ZYG11A: variants seen among roughly 807,000 people sequenced by gnomAD.
The protein encoded by ZYG11A is zyg-11 family member A, cell cycle regulator.
ZYG11A carries 62 observed loss-of-function variants against 77.2 expected under a neutral mutation model. The observed-to-expected ratio is 0.80, with a 90% CI of 0.65 to 0.99. The LOEUF is 0.99. ZYG11A is among the 50% of genes least tolerant of loss of function. The probability of loss-of-function intolerance (pLI) is 0.00; values close to 1 mark genes in which losing one functional copy is unlikely to be tolerated. For synonymous variants in ZYG11A, 315 were observed against 324.6 expected, an observed-to-expected ratio of 0.97 and a Z score of 0.32; for missense variants, 828 against 896.8, an observed-to-expected ratio of 0.92 and a Z score of 0.98.
At chr1:52,870,816 G>A (rs1373759406) in intron 8 of ZYG11A, among the ~76,000 whole-genome samples, 1 of 152,164 alleles carries the variant, frequency 6.6e-6, no homozygotes, top group Non-Finnish European at 1.5e-5. Flanking sequence ...CAGCAGTACA[G>A]TCCAGCTTTG....
intron 3 of ZYG11A, among the ~76,000 whole-genome samples, chr1:52,859,663 T>TACCTATACTA (rs1553121657): frequency 6.3e-5 from 8 of 126,104 alleles, no homozygotes; most frequent in South Asian, 5.2e-4. Context: ...TGTTTGTGTA[T>TACCTATACTA]TGCCTTTTTT....
chr1:52,860,960 T>C, intron 4 of ZYG11A, 89 bp downstream of exon 4: 4 of 1,288,130 alleles, frequency 3.1e-6, no homozygotes, highest in Non-Finnish European at 4.3e-6. Context: ...TAATAAATTA[T>C]ATGCTTTATT....
At chr1:52,850,407 A>T (rs1239234637) in intron 1 of ZYG11A, among the ~76,000 whole-genome samples, 1 of 150,344 alleles carries the variant, frequency 6.7e-6, no homozygotes, top group East Asian at 2.0e-4. Context: ...CAACCTCTGC[A>T]TCCCAGGTTC....
At chr1:52,877,345 T>C (rs12059821) in intron 8 of ZYG11A, among the ~76,000 whole-genome samples, 1 of 152,172 alleles carries the variant, frequency 6.6e-6, no homozygotes, top group African/African-American at 2.4e-5. Flanking sequence ...GTCTGCCTTC[T>C]ACCCTTTTTT....
At chr1:52,880,862 C>T (rs548794257) in intron 10 of ZYG11A, among the ~76,000 whole-genome samples, 11 of 152,328 alleles carry the variant, frequency 7.2e-5, no homozygotes, top group African/African-American at 2.4e-4. Flanking sequence ...ACTTTGATTG[C>T]AGCCCTGTGA....
chr1:52,881,802 C>T, intron 11 of ZYG11A, 137 bp downstream of exon 11: 1 of 620,984 alleles, frequency 1.6e-6, no homozygotes, highest in South Asian at 2.9e-5. Flanking sequence ...CATATCTTTC[C>T]ATCCAAAACT....
intron 5 of ZYG11A, 64 bp from the exon 6 acceptor site, chr1:52,866,439 G>A: frequency 1.1e-6 from 1 of 926,340 alleles, no homozygotes; most frequent in Non-Finnish European, 1.7e-6. Context: ...CCAAATACAT[G>A]GAATCTTTGT....
intron 8 of ZYG11A, among the ~76,000 whole-genome samples, chr1:52,872,848 A>G (rs774570688): frequency 6.8e-5 from 10 of 147,236 alleles, no homozygotes; most frequent in Non-Finnish European, 1.5e-4. Flanking sequence ...AAGCCACTGT[A>G]CTTCAGCATG....
At chr1:52,847,818 T>C (rs1444317996) in intron 1 of ZYG11A, among the ~76,000 whole-genome samples, 2 of 150,426 alleles carry the variant, frequency 1.3e-5, no homozygotes, top group Non-Finnish European at 3.0e-5. Flanking sequence ...TACAGGTGTG[T>C]GCCACCACGC....
At chr1:52,853,800 CAGG>C (rs1003044640) in intron 1 of ZYG11A, among the ~76,000 whole-genome samples, 5 of 152,088 alleles carry the variant, frequency 3.3e-5, no homozygotes, top group Non-Finnish European at 1.5e-5. Flanking sequence ...CCCAGTTACT[CAGG>C]AGGCTGAGTG....
chr1:52,886,008 C>T, intron 12 of ZYG11A, 114 bp downstream of exon 12: 1 of 721,932 alleles, frequency 1.4e-6, no homozygotes, highest in Non-Finnish European at 2.1e-6. Context: ...TCTTGGCTCA[C>T]TGCAAGCTCC....
intron 8 of ZYG11A, among the ~76,000 whole-genome samples, chr1:52,872,098 A>T (rs1646177949): frequency 6.6e-6 from 1 of 152,180 alleles, no homozygotes; most frequent in Non-Finnish European, 1.5e-5. Flanking sequence ...TGTGTTCATT[A>T]CTGAGATGCT....
At chr1:52,843,113 C>A (rs1645482874) in intron 1 of ZYG11A, 140 bp downstream of exon 1, 1 of 649,442 alleles carries the variant, frequency 1.5e-6, no homozygotes, top group Non-Finnish European at 2.3e-6. Flanking sequence ...GATGCCGAGC[C>A]CCTTCCAGGC....
intron 5 of ZYG11A, among the ~76,000 whole-genome samples, 170 bp from the exon 6 acceptor site, chr1:52,866,333 A>T (rs999111134): frequency 6.6e-6 from 1 of 152,172 alleles, no homozygotes; most frequent in South Asian, 2.1e-4. Flanking sequence ...TCAAGTCTTC[A>T]TTCCTGCATG....
Position 52,894,373 on chromosome 1 carries a change from A to G in ZYG11A, c.*1416A>G, listed in dbSNP as rs984403023. 6.6e-6 allele frequency: 1 copy of G among 152,230 alleles called. No individual in the cohort carries two copies. Among genetic ancestry groups the G allele is most frequent in the Non-Finnish European group, 1.5e-5 (1 of 68,048 alleles). The allele number at this position is 152,230 out of a possible 1,614,324, so 9.4% of individuals were successfully genotyped here. On this transcript the variant is annotated 3_prime_UTR_variant, in exon 14 of 14. Coordinates refer to ENST00000371528, the MANE Select transcript of ZYG11A (RefSeq NM_001004339.3). ...AGTTTTCTTACCCCGCATGCTGACT[A>G]AAGAAAACATGGGCTTTTCTGAAAC...
In ZYG11A at chr1:52,854,586, C is replaced by T; in HGVS notation, c.212C>T (p.Pro71Leu). The change falls in exon 2 of 14, where the codon CCT becomes CTT. Residue 71 changes from proline to leucine, a missense_variant. Physicochemically the swap from Pro to Leu is moderately conservative, Grantham distance 98 (BLOSUM62 -3). Transcript: ENST00000371528. ...TGCCTTCCGGAGCATTGGAGTTTCC[C>T]TCAGGAAGTAGCCGAGCGATTTCTC... ...TLCLPEHWSF[P>L]QEVAERFLRV... is the part of the protein sequence containing the mutation. 5.2e-6 allele frequency: 8 copies of T among 1,548,300 alleles called. No homozygotes were observed. Among genetic ancestry groups the T allele is most frequent in the Non-Finnish European group, 7.0e-6 (8 of 1,144,608 alleles).
intron 13 of ZYG11A, among the ~76,000 whole-genome samples, chr1:52,887,465 C>G (rs1225559074): frequency 1.3e-5 from 2 of 152,160 alleles, no homozygotes; most frequent in African/African-American, 4.8e-5. Context: ...ATTGCTGACA[C>G]TCTTCCTTTA....
chr1:52,877,925 A>G lies in ZYG11A; in HGVS notation c.1705A>G (p.Thr569Ala). 1.9e-6 allele frequency: 3 copies of G among 1,551,586 alleles called. No homozygotes were observed. Among genetic ancestry groups the G allele is most frequent in the Non-Finnish European group, 2.6e-6 (3 of 1,146,944 alleles). Reference sequence around the variant, plus strand: ...CTGTATGTATATATTTTTTTGACAGACCTTTTCAGAGTCAGCAATACAAAG... The same window carrying G: ...CTGTATGTATATATTTTTTTGACAGGCCTTTTCAGAGTCAGCAATACAAAG... ...GLQIFIQVLE[T>A]FSESAIQSKV... The change falls in exon 10 of 14, where the codon ACC becomes GCC. Residue 569 changes from threonine (T) to alanine (A), a missense_variant and splice_region_variant. Transcript: ENST00000371528.
At chr1:52,872,087 A>T (rs571878098) in intron 8 of ZYG11A, among the ~76,000 whole-genome samples, 16 of 152,260 alleles carry the variant, frequency 1.1e-4, no homozygotes, top group African/African-American at 3.6e-4. Context: ...GTGATTTTGG[A>T]TGTGTTCATT....
Sources: allele counts gnomAD v4.1 joint callset (sites outside exome capture counted in the v4.1 genomes callset), GRCh38; gene constraint gnomAD v4.1.1; transcripts MANE v1.5; gene names NCBI Gene and HGNC (gene_info 2026-07-23, HGNC 2026-07-21).